IGF1R: variants seen among roughly 807,000 people sequenced by gnomAD.
IGF1R encodes the protein insulin like growth factor 1 receptor, also known as insulin-like growth factor 1 receptor.
In IGF1R, 44 loss-of-function variants were observed where a neutral mutation model predicts 144.6. The observed-to-expected ratio is 0.30, with a 90% CI of 0.24 to 0.39. The LOEUF (loss-of-function observed/expected upper bound fraction) is 0.39. IGF1R is among the 10% of genes least tolerant of loss of function. The pLI, the probability that IGF1R is intolerant of heterozygous loss-of-function variation, is 1.00. For synonymous variants in IGF1R, 795 were observed against 722.8 expected, an observed-to-expected ratio of 1.10 and a Z score of -1.60; for missense variants, 1,355 against 1,833.7, an observed-to-expected ratio of 0.74 and a Z score of 4.77.
At chr15:98,878,663 CAAAAAAAAAAAAAAA>C (rs138285597) in intron 2 of IGF1R, among the ~76,000 whole-genome samples, 18,938 of 59,082 alleles carry the variant, frequency 0.32, 2,047 homozygotes, top group East Asian at 0.54. Flanking sequence ...GTGAAAGACT[CAAAAAAAAAAAAAAA>C]AAAAAAAAAA....
intron 2 of IGF1R, among the ~76,000 whole-genome samples, chr15:98,756,232 AAT>A (rs2055152067): frequency 7.1e-6 from 1 of 141,076 alleles, no homozygotes; most frequent in Non-Finnish European, 1.5e-5. Context: ...GCATTTACAT[AAT>A]ATAGGAAATA....
intron 2 of IGF1R, among the ~76,000 whole-genome samples, chr15:98,776,652 T>C (rs2055723982): frequency 6.6e-6 from 1 of 152,182 alleles, no homozygotes; most frequent in Admixed American, 6.5e-5. Context: ...TTCCCCTACC[T>C]GCCATTACCA....
chr15:98,702,566 G>A (rs1014307338), intron 1 of IGF1R, among the ~76,000 whole-genome samples: 3 of 152,150 alleles, frequency 2.0e-5, no homozygotes, highest in Non-Finnish European at 4.4e-5. Flanking sequence ...GGCCTCAAGC[G>A]ATCTACCTGC....
chr15:98,726,597 T>C (rs1438484580), intron 2 of IGF1R, among the ~76,000 whole-genome samples: 1 of 152,172 alleles, frequency 6.6e-6, no homozygotes, highest in Non-Finnish European at 1.5e-5. Context: ...TGACATAGTA[T>C]AGTTAAATTG....
intron 1 of IGF1R, among the ~76,000 whole-genome samples, chr15:98,667,978 T>C (rs985305433): frequency 4.6e-5 from 7 of 152,238 alleles, no homozygotes; most frequent in Admixed American, 1.3e-4. Flanking sequence ...CTCAGACTGC[T>C]GTGACAGGTT....
chr15:98,770,051 C>T (rs1317822938), intron 2 of IGF1R, among the ~76,000 whole-genome samples: 2 of 152,164 alleles, frequency 1.3e-5, no homozygotes. Context: ...ACAGTCAGCA[C>T]TTGCTGCCTC....
intron 2 of IGF1R, among the ~76,000 whole-genome samples, chr15:98,826,430 C>T (rs2056895941): frequency 6.6e-6 from 1 of 151,844 alleles, no homozygotes; most frequent in Non-Finnish European, 1.5e-5. Flanking sequence ...TTCCTGAAAG[C>T]AAAATGATAT....
At chr15:98,743,200 A>G (rs2054787464) in intron 2 of IGF1R, among the ~76,000 whole-genome samples, 1 of 152,208 alleles carries the variant, frequency 6.6e-6, no homozygotes, top group South Asian at 2.1e-4. Flanking sequence ...ACGGAAATTC[A>G]TTACTTTTAA....
intron 2 of IGF1R, among the ~76,000 whole-genome samples, chr15:98,848,871 TAAAAA>T (rs910438334): frequency 6.4e-4 from 98 of 152,020 alleles, no homozygotes; most frequent in African/African-American, 2.3e-3. Flanking sequence ...CCAATTAAAA[TAAAAA>T]GAGAAAACAC....
Position 98,964,188 on chromosome 15 carries a change from TCTGAG to T in IGF1R, c.*6747_*6751del. The T allele has an allele frequency of 4.3e-6, 1 of 232,980 alleles. No individual in the cohort carries two copies. Among genetic ancestry groups the T allele is most frequent in the Non-Finnish European group, 8.5e-6 (1 of 117,676 alleles). 14.4% of individuals were successfully genotyped at this position (232,980 alleles called of 1,614,324 possible). A position where few individuals can be genotyped will look rare whatever the true frequency, so the allele number is the denominator to read the frequency against. On this transcript the variant is annotated 3_prime_UTR_variant, in exon 21 of 21. Transcript: ENST00000650285. ...TGGATGCACCGCAAATAATGCATTT[TCTGAG>T]TTTTCTTGTTAAAAAAAAATTTTTT...
At chr15:98,807,251 A>T (rs996645155) in intron 2 of IGF1R, among the ~76,000 whole-genome samples, 2 of 152,198 alleles carry the variant, frequency 1.3e-5, no homozygotes, top group South Asian at 4.1e-4. Context: ...GATTCCTGTA[A>T]GTAGGGCGCT....
rs1377519400 is a variant in IGF1R at position 98,963,266 on chromosome 15, C to G, written c.*5824C>G. On this transcript the variant is annotated 3_prime_UTR_variant, in exon 21 of 21. Transcript: ENST00000650285. ...GTTTACTAGCTAGCTTTACAATATG[C>G]CAAAAAAGGATTTCTCCCTGACCCC... 4.4e-6 allele frequency: 1 copy of G among 229,312 alleles called. No homozygotes were observed. Among genetic ancestry groups the G allele is most frequent in the Non-Finnish European group, 8.5e-6 (1 of 117,182 alleles). The allele number at this position is 229,312 out of a possible 1,614,324, so 14.2% of individuals were successfully genotyped here.
At chr15:98,889,859 G>T (rs1406855380) in intron 2 of IGF1R, among the ~76,000 whole-genome samples, 1 of 152,170 alleles carries the variant, frequency 6.6e-6, no homozygotes, top group Admixed American at 6.5e-5. Context: ...GAGTCAAAAA[G>T]ATACACATTT....
At position 98,960,496 on chromosome 15, in the gene IGF1R, T is replaced by C. The variant is rs1161430236; in HGVS notation, c.*3054T>C. The C allele has an allele frequency of 8.6e-6, 2 of 233,284 alleles. No individual in the cohort carries two copies. Among genetic ancestry groups the C allele is most frequent in the African/African-American group, 2.2e-5 (1 of 45,470 alleles). The allele number at this position is 233,284 out of a possible 1,614,324, so 14.5% of individuals were successfully genotyped here. ...CATTTCGTCCTTAAGAGAGCAGTGG[T>C]TCCTCAGGTTCTGAGGAGAGGAAGG... On this transcript the variant is annotated 3_prime_UTR_variant, in exon 21 of 21. Transcript: ENST00000650285.
chr15:98,829,318 C>T (rs775073110), intron 2 of IGF1R, among the ~76,000 whole-genome samples: 1 of 151,598 alleles, frequency 6.6e-6, no homozygotes, highest in Non-Finnish European at 1.5e-5. Context: ...AGTACTGCTG[C>T]GATGGAATTG....
chr15:98,962,968 C>G lies in IGF1R; in HGVS notation c.*5526C>G, dbSNP rs2017282754. On this transcript the variant is annotated 3_prime_UTR_variant, in exon 21 of 21. Transcript: ENST00000650285. ...ATTTTTATGTCCCACGTGTGTGTGT[C>G]CGCATCTTTCTGGTCAACATTGTTT... The G allele has an allele frequency of 4.3e-6, 1 of 233,564 alleles. No homozygotes were observed. Among genetic ancestry groups the G allele is most frequent in the African/African-American group, 2.2e-5 (1 of 45,332 alleles). 14.5% of individuals were successfully genotyped at this position (233,564 alleles called of 1,614,324 possible). A position where few individuals can be genotyped will look rare whatever the true frequency, so the allele number is the denominator to read the frequency against.
rs2017285911 is a variant in IGF1R, at chr15:98,963,046, C to T, written c.*5604C>T. On this transcript the variant is annotated 3_prime_UTR_variant, in exon 21 of 21. Coordinates refer to ENST00000650285, the MANE Select transcript of IGF1R (RefSeq NM_000875.5). ...TAGGGCTCTTAAGTCCAGTAGATTA[C>T]GGGTAGTCAGTTGACGAAGATCTGG... 1 of 233,548 alleles carries T rather than the reference C, an allele frequency of 4.3e-6. No homozygotes were observed. The highest frequency in any genetic ancestry group is 8.5e-6 in the Non-Finnish European group (1 of 117,980). 14.5% of individuals were successfully genotyped at this position (233,548 alleles called of 1,614,324 possible).
At chr15:98,845,839 G>A (rs2011307699) in intron 2 of IGF1R, among the ~76,000 whole-genome samples, 1 of 152,104 alleles carries the variant, frequency 6.6e-6, no homozygotes, top group Non-Finnish European at 1.5e-5. Flanking sequence ...TCTTCTCATA[G>A]TAGATGCAGT....
chr15:98,688,053 T>A (rs1717774776), intron 1 of IGF1R, among the ~76,000 whole-genome samples: 1 of 152,150 alleles, frequency 6.6e-6, no homozygotes, highest in African/African-American at 2.4e-5. Flanking sequence ...CAGAGGCTGA[T>A]GGGCGGGGAG....
Sources: gnomAD v4.1 joint callset for allele counts (sites outside exome capture counted in the v4.1 genomes callset) on GRCh38, gnomAD v4.1.1 for gene constraint, MANE v1.5 for transcripts, NCBI Gene and HGNC (gene_info 2026-07-23, HGNC 2026-07-21) for gene names.